Variants in TENM4 observed in about 807,000 individuals in gnomAD.
TENM4 encodes teneurin-4.
TENM4 carries 82 observed loss-of-function variants against 243.3 expected under a neutral mutation model. That is an observed-to-expected ratio of 0.34 (90% CI 0.28 to 0.40). The LOEUF is 0.40. Ranked by LOEUF, TENM4 falls within the 10% of genes least tolerant of loss-of-function variation. The probability of loss-of-function intolerance (pLI) is 1.00; values close to 1 mark genes in which losing one functional copy is unlikely to be tolerated. For missense variants in TENM4, 3,138 were observed against 3,673.3 expected (o/e 0.85, Z 3.77); for synonymous variants, 1,412 against 1,456.3 (o/e 0.97, Z 0.69).
intron 1 of TENM4, among the ~76,000 whole-genome samples, chr11:79,380,476 C>T (rs555672824): frequency 1.3e-5 from 2 of 152,272 alleles, no homozygotes; most frequent in Admixed American, 1.3e-4. Context: ...TGGGAACAGG[C>T]TGATTGATCT....
chr11:79,129,201 C>A lies in TENM4; in HGVS notation c.-66+19509G>T, dbSNP rs190335527. ...CAAAATACAGGGGTAGAGGAAGCAG[C>A]AGAAAGGCCCTGGGAGCTTGCTGGG... On this transcript the variant is annotated intron_variant, in intron 4 of 33. Transcript: ENST00000278550. Among the ~76,000 whole-genome samples, 511 of 152,190 alleles carry A rather than the reference C, an allele frequency of 3.4e-3. 3 individuals carry two copies. The highest frequency in any genetic ancestry group is 0.011 in the African/African-American group (477 of 41,526).
chr11:79,422,886 C>T lies in TENM4; in HGVS notation c.-321+17623G>A, dbSNP rs557935770. Among the ~76,000 whole-genome samples the T allele has an allele frequency of 2.6e-5, 4 of 152,256 alleles. No individual in the cohort carries two copies. In the South Asian group the frequency reaches 8.3e-4, roughly 32 times the overall value. ...GGTAAGGCAGGCATTTGCTTGTCACCTCTACATTTTAAAACAGCCTTCTGA... is the reference window on the plus strand; with the variant it reads ...GGTAAGGCAGGCATTTGCTTGTCACTTCTACATTTTAAAACAGCCTTCTGA... On this transcript the variant is annotated intron_variant, in intron 1 of 33. Coordinates refer to ENST00000278550, the MANE Select transcript of TENM4 (RefSeq NM_001098816.3).
At chr11:79,023,006 C>G (rs1207942432) in intron 6 of TENM4, among the ~76,000 whole-genome samples, 1 of 152,160 alleles carries the variant, frequency 6.6e-6, no homozygotes, top group Admixed American at 6.5e-5. Context: ...GAGGTCACAA[C>G]CTTAGGCATG....
chr11:78,704,111 G>T (rs28630652), intron 27 of TENM4, among the ~76,000 whole-genome samples: 2 of 142,562 alleles, frequency 1.4e-5, no homozygotes, highest in Non-Finnish European at 3.0e-5. Context: ...ATGTGTGTGT[G>T]TCTATATATA....
At chr11:79,165,188 T>A (rs1862886028) in intron 3 of TENM4, among the ~76,000 whole-genome samples, 1 of 152,128 alleles carries the variant, frequency 6.6e-6, no homozygotes, top group South Asian at 2.1e-4. Context: ...AAATGGTAGT[T>A]CTACTTTTAG....
At chr11:79,203,952 A>G (rs1317779057) in intron 3 of TENM4, among the ~76,000 whole-genome samples, 1 of 152,222 alleles carries the variant, frequency 6.6e-6, no homozygotes, top group Admixed American at 6.5e-5. Context: ...AAACACGCTA[A>G]GTGAAAGAAG....
chr11:78,834,991 C>T (rs975064074), intron 12 of TENM4, among the ~76,000 whole-genome samples: 15 of 152,152 alleles, frequency 9.9e-5, no homozygotes, highest in Non-Finnish European at 5.9e-5. Context: ...TAACTCCATC[C>T]ACTCTTTTTT....
At chr11:78,790,657 T>C (rs1392509356) in intron 15 of TENM4, among the ~76,000 whole-genome samples, 1 of 152,198 alleles carries the variant, frequency 6.6e-6, no homozygotes, top group East Asian at 1.9e-4. Context: ...TTGACAATCC[T>C]TGGAACAGTA....
intron 3 of TENM4, among the ~76,000 whole-genome samples, chr11:79,192,586 T>G (rs1337035502): frequency 6.6e-6 from 1 of 151,646 alleles, no homozygotes; most frequent in East Asian, 1.9e-4. Flanking sequence ...CGTTTAAGAG[T>G]CATCACCACT....
intron 6 of TENM4, among the ~76,000 whole-genome samples, chr11:78,958,686 C>G (rs971884160): frequency 1.9e-4 from 29 of 152,358 alleles, no homozygotes; most frequent in African/African-American, 6.7e-4. Flanking sequence ...CAGAGGGCCT[C>G]TGGGGTGATG....
chr11:79,285,622 TAAATGGATAAACA>T (rs1856236368), intron 2 of TENM4, among the ~76,000 whole-genome samples: 1 of 152,092 alleles, frequency 6.6e-6, no homozygotes, highest in African/African-American at 2.4e-5. Context: ...CATCAACTGA[TAAATGGATAAACA>T]AAATGTGGTA....
At chr11:78,959,100 T>G (rs1375140865) in intron 6 of TENM4, among the ~76,000 whole-genome samples, 1 of 152,246 alleles carries the variant, frequency 6.6e-6, no homozygotes, top group Non-Finnish European at 1.5e-5. Context: ...TATAGCTCTC[T>G]GCTACACTGT....
chr11:78,963,037 T>C (rs1427781168), intron 6 of TENM4, among the ~76,000 whole-genome samples: 1 of 152,238 alleles, frequency 6.6e-6, no homozygotes, highest in Non-Finnish European at 1.5e-5. Context: ...GTCTTTATAT[T>C]CAGAATCTAA....
At chr11:78,946,904 T>C (rs1857011555) in intron 6 of TENM4, among the ~76,000 whole-genome samples, 1 of 152,232 alleles carries the variant, frequency 6.6e-6, no homozygotes, top group Admixed American at 6.5e-5. Context: ...GAGTTGCTTC[T>C]TATGGATGAG....
intron 6 of TENM4, among the ~76,000 whole-genome samples, chr11:78,978,235 G>A (rs543439685): frequency 2.0e-5 from 3 of 152,130 alleles, no homozygotes; most frequent in Admixed American, 2.0e-4. Flanking sequence ...GATAGCATTA[G>A]GAGAAATACC....
intron 12 of TENM4, among the ~76,000 whole-genome samples, chr11:78,847,808 C>G (rs998899483): frequency 6.6e-6 from 1 of 152,202 alleles, no homozygotes; most frequent in East Asian, 1.9e-4. Context: ...CCAAAAATCA[C>G]TCCTCAATCA....
At chr11:78,753,777 AGC>A (rs1856243573) in intron 19 of TENM4, among the ~76,000 whole-genome samples, 1 of 152,024 alleles carries the variant, frequency 6.6e-6, no homozygotes, top group African/African-American at 2.4e-5. Context: ...TCATTTGTAG[AGC>A]AAATACTATA....
chr11:79,251,826 A>ATCACTAAAATTAAAAT (rs1855616647), intron 2 of TENM4, among the ~76,000 whole-genome samples: 1 of 151,918 alleles, frequency 6.6e-6, no homozygotes, highest in South Asian at 2.1e-4. Context: ...AAAAAACATT[A>ATCACTAAAATTAAAAT]TCACTAAAAT....
intron 7 of TENM4, among the ~76,000 whole-genome samples, chr11:78,895,131 C>T (rs1456248326): frequency 6.6e-6 from 1 of 151,672 alleles, no homozygotes; most frequent in African/African-American, 2.4e-5. Context: ...ATCATGAGGT[C>T]AGGAGATCGA....
Sources: allele counts gnomAD v4.1 joint callset (sites outside exome capture counted in the v4.1 genomes callset), GRCh38; gene constraint gnomAD v4.1.1; transcripts MANE v1.5; gene names NCBI Gene and HGNC (gene_info 2026-07-23, HGNC 2026-07-21).